GPC1: variants seen among roughly 807,000 people sequenced by gnomAD.
The protein encoded by GPC1 is glypican-1.
In GPC1, 26 loss-of-function variants were observed where a neutral mutation model predicts 51.5. The ratio of observed to expected loss-of-function variants is 0.50; its 90% CI spans 0.37 to 0.70. The LOEUF is 0.70. Ranked by LOEUF, GPC1 falls within the 30% of genes least tolerant of loss-of-function variation. The pLI, the probability that GPC1 is intolerant of heterozygous loss-of-function variation, is 0.00. For missense variants in GPC1, 775 were observed against 800.5 expected, an observed-to-expected ratio of 0.97 and a Z score of 0.38; for synonymous variants, 380 against 348.3, an observed-to-expected ratio of 1.09 and a Z score of -1.01.
At chr2:240,460,205 A>G (rs574878239) in intron 2 of GPC1, among the ~76,000 whole-genome samples, 1 of 152,174 alleles carries the variant, frequency 6.6e-6, no homozygotes, top group African/African-American at 2.4e-5. Context: ...AGTGGGTCAG[A>G]AGCTCCCTCT....
In GPC1 at chr2:240,467,391, C is replaced by T. The variant is rs1488765681; in HGVS notation, c.*1101C>T. 1.3e-5 allele frequency: 2 copies of T among 152,276 alleles called. No homozygotes were observed. The highest frequency in any genetic ancestry group is 1.9e-4 in the East Asian group (1 of 5,186). The allele number at this position is 152,276 out of a possible 1,614,324, so 9.4% of individuals were successfully genotyped here. A position where few individuals can be genotyped will look rare whatever the true frequency, so the allele number is the denominator to read the frequency against. ...CATCCATTTACTGACACTTCCTGTC[C>T]TTGTTCATGGAGAGCTGTTCGCTCC... On this transcript the variant is annotated 3_prime_UTR_variant, in exon 9 of 9. Coordinates refer to ENST00000264039, the MANE Select transcript of GPC1 (RefSeq NM_002081.3).
chr2:240,450,774 T>A (rs1341757191), intron 1 of GPC1: 1 of 470,124 alleles, frequency 2.1e-6, no homozygotes, highest in Non-Finnish European at 4.4e-6. Context: ...CATTTAGACG[T>A]GTGCCTTTAT....
intron 5 of GPC1, 33 bp downstream of exon 5, chr2:240,464,779 G>A: frequency 1.3e-6 from 2 of 1,585,784 alleles, no homozygotes; most frequent in Middle Eastern, 1.7e-4. Context: ...AGCACAGCGG[G>A]GTGGGGGTCC....
At chr2:240,459,333 G>T (rs2074197685) in intron 2 of GPC1, 145 bp downstream of exon 2, 1 of 814,824 alleles carries the variant, frequency 1.2e-6, no homozygotes, top group Admixed American at 2.5e-5. Context: ...GGGCTAGGGC[G>T]CTGGGTTGAA....
At chr2:240,465,013 G>A (rs1183186521) in intron 6 of GPC1, 38 bp downstream of exon 6, 1 of 1,574,152 alleles carries the variant, frequency 6.4e-7, no homozygotes, top group Non-Finnish European at 8.6e-7. Context: ...CCAGGCATGA[G>A]GGAGGCAGAC....
At chr2:240,463,933 G>A (rs752773301) in intron 4 of GPC1, 34 of 241,472 alleles carry the variant, frequency 1.4e-4, no homozygotes, top group Middle Eastern at 1.4e-3. Flanking sequence ...CCAGTACAGC[G>A]TGTGCTCCTG....
At position 240,468,059 on chromosome 2, in the gene GPC1, T is replaced by C. The variant is rs1559206082; in HGVS notation, c.*1769T>C. 1 of 152,306 alleles carries C rather than the reference T, an allele frequency of 6.6e-6. No homozygotes were observed. The highest frequency in any genetic ancestry group is 2.4e-5 in the African/African-American group (1 of 41,424). 9.4% of individuals were successfully genotyped at this position (152,306 alleles called of 1,614,324 possible). ...GTGTTCTTTTGAGTCCTTGTATGAA[T>C]AAAAGGCTGGAAACCTACAGCAGGG... On this transcript the variant is annotated 3_prime_UTR_variant, in exon 9 of 9. Coordinates refer to ENST00000264039, the MANE Select transcript of GPC1 (RefSeq NM_002081.3).
At chr2:240,457,324 G>T (rs1574772703) in intron 1 of GPC1, 1 of 437,168 alleles carries the variant, frequency 2.3e-6, no homozygotes, top group Non-Finnish European at 5.0e-6. Context: ...CAGGCACAGA[G>T]GCTACAGGGG....
At chr2:240,453,949 C>T (rs1255858245) in intron 1 of GPC1, among the ~76,000 whole-genome samples, 1 of 152,172 alleles carries the variant, frequency 6.6e-6, no homozygotes, top group Non-Finnish European at 1.5e-5. Context: ...ACCCTCCCAC[C>T]CGGGGCAGAG....
intron 1 of GPC1, among the ~76,000 whole-genome samples, chr2:240,439,313 A>G (rs2074003491): frequency 6.6e-6 from 1 of 152,090 alleles, no homozygotes; most frequent in South Asian, 2.1e-4. Flanking sequence ...TGGAGGGTAG[A>G]GGAGGGTCTC....
At chr2:240,450,394 G>C (rs1255861805) in intron 1 of GPC1, 1 of 348,692 alleles carries the variant, frequency 2.9e-6, no homozygotes. Flanking sequence ...GGAGGCGGGG[G>C]ATGCTAAGGC....
chr2:240,455,930 G>A (rs1384312427), intron 1 of GPC1: 2 of 347,676 alleles, frequency 5.8e-6, no homozygotes, highest in South Asian at 2.0e-5. Context: ...TCAGGGGGCC[G>A]CCTCGATCCA....
chr2:240,454,615 T>G (rs2151792349), intron 1 of GPC1, among the ~76,000 whole-genome samples: 1 of 152,320 alleles, frequency 6.6e-6, no homozygotes, highest in African/African-American at 2.4e-5. Flanking sequence ...ACAGCCCTAC[T>G]CCAGCACCGT....
At chr2:240,464,790 T>C (rs1483093668) in intron 5 of GPC1, 44 bp downstream of exon 5, 7 of 1,578,322 alleles carry the variant, frequency 4.4e-6, no homozygotes, top group Non-Finnish European at 6.0e-6. Context: ...GTGGGGGTCC[T>C]GGATGTGGCC....
chr2:240,463,325 C>CTTAG, intron 3 of GPC1, 22 bp from the exon 4 acceptor site: 1 of 1,610,340 alleles, frequency 6.2e-7, no homozygotes, highest in South Asian at 1.1e-5. Flanking sequence ...CGGGGCCTGG[C>CTTAG]TTAGGGTCCC....
At chr2:240,437,612 C>G (rs1322766837) in intron 1 of GPC1, among the ~76,000 whole-genome samples, 2 of 152,202 alleles carry the variant, frequency 1.3e-5, no homozygotes, top group African/African-American at 2.4e-5. Flanking sequence ...CCAGGCAGCA[C>G]AAGGCCCTCG....
intron 1 of GPC1, among the ~76,000 whole-genome samples, chr2:240,446,844 CGG>C (rs1406939464): frequency 1.3e-5 from 2 of 152,106 alleles, no homozygotes; most frequent in Non-Finnish European, 2.9e-5. Flanking sequence ...CCGCAGAGGA[CGG>C]AGAGGGGACC....
chr2:240,462,841 T>C (rs944305200), intron 3 of GPC1, among the ~76,000 whole-genome samples: 1 of 150,902 alleles, frequency 6.6e-6, no homozygotes, highest in Non-Finnish European at 1.5e-5. Context: ...TGGGCCAGGA[T>C]GGGAAGGGCC....
chr2:240,452,479 C>G (rs1383703696), intron 1 of GPC1: 1 of 152,490 alleles, frequency 6.6e-6, no homozygotes, highest in Admixed American at 6.5e-5. Flanking sequence ...GCCCCCATTA[C>G]CCTCCGGGGA....
Sources: allele counts gnomAD v4.1 joint callset (sites outside exome capture counted in the v4.1 genomes callset), GRCh38; gene constraint gnomAD v4.1.1; transcripts MANE v1.5; gene names NCBI Gene and HGNC (gene_info 2026-07-23, HGNC 2026-07-21).